SEMA3C: variants seen among roughly 807,000 people sequenced by gnomAD.
SEMA3C encodes semaphorin 3C, also known as semaphorin-3C.
In SEMA3C, 47 loss-of-function variants were observed where a neutral mutation model predicts 89.4. That is an observed-to-expected ratio of 0.53 (90% CI 0.42 to 0.67). The LOEUF (loss-of-function observed/expected upper bound fraction) is 0.67, where lower values mean the gene tolerates loss of function less well. Among genes scored for constraint, SEMA3C ranks in the 30% least tolerant of loss-of-function variants. The pLI is 0.00. For missense variants in SEMA3C, 839 were observed against 929.1 expected, an observed-to-expected ratio of 0.90 and a Z score of 1.26; for synonymous variants, 310 against 320.2, an observed-to-expected ratio of 0.97 and a Z score of 0.34.
At chr7:80,758,224 A>G in intron 15 of SEMA3C, 107 bp downstream of exon 15, 1 of 1,225,506 alleles carries the variant, frequency 8.2e-7, no homozygotes, top group Non-Finnish European at 1.1e-6. Flanking sequence ...TTCTACCTTT[A>G]ATGTCATTTA....
intron 14 of SEMA3C, among the ~76,000 whole-genome samples, chr7:80,759,066 C>T (rs562242227): frequency 2.0e-5 from 3 of 152,168 alleles, no homozygotes; most frequent in Admixed American, 1.3e-4. Context: ...TATATTTAAA[C>T]GTCTTAAAAT....
intron 2 of SEMA3C, among the ~76,000 whole-genome samples, chr7:80,904,093 T>G (rs1791949688): frequency 6.6e-6 from 1 of 152,160 alleles, no homozygotes; most frequent in African/African-American, 2.4e-5. Flanking sequence ...CAGGCTAGAG[T>G]GCAGTAGCAA....
Position 80,749,046 on chromosome 7 carries a change from A to T in SEMA3C, c.1712-18T>A. 1 of 1,585,006 alleles carries T rather than the reference A, an allele frequency of 6.3e-7. No individual in the cohort carries two copies. The highest frequency in any genetic ancestry group is 8.6e-7 in the Non-Finnish European group (1 of 1,167,756). Reference sequence around the variant, plus strand: ...TCTGTATGCTAGCAGGCAAAAATAAAAGGCGAGAGAGAAAGAAAGAACACA... The same window carrying T: ...TCTGTATGCTAGCAGGCAAAAATAATAGGCGAGAGAGAAAGAAAGAACACA... On this transcript the variant is annotated intron_variant, in intron 16 of 17. Coordinates refer to ENST00000265361, the MANE Select transcript of SEMA3C (RefSeq NM_006379.5).
intron 15 of SEMA3C, among the ~76,000 whole-genome samples, chr7:80,753,380 C>T (rs1787982381): frequency 6.6e-6 from 1 of 152,182 alleles, no homozygotes; most frequent in Admixed American, 6.5e-5. Flanking sequence ...GCCATCTAGG[C>T]AAGCAATATC....
chr7:80,917,116 A>G (rs1562985407), intron 1 of SEMA3C, among the ~76,000 whole-genome samples: 1 of 152,234 alleles, frequency 6.6e-6, no homozygotes, highest in Admixed American at 6.5e-5. Context: ...AAAGCCCAAT[A>G]TTTTAACGGA....
chr7:80,840,827 C>T (rs1230141779), intron 2 of SEMA3C, among the ~76,000 whole-genome samples: 1 of 152,038 alleles, frequency 6.6e-6, no homozygotes, highest in African/African-American at 2.4e-5. Flanking sequence ...GTAATAAATG[C>T]ACAAAGTATA....
intron 2 of SEMA3C, among the ~76,000 whole-genome samples, chr7:80,868,254 T>A (rs1441208984): frequency 6.6e-6 from 1 of 152,098 alleles, no homozygotes; most frequent in East Asian, 1.9e-4. Context: ...TTATATTTTA[T>A]TTCACTTTAT....
chr7:80,744,791 T>C lies in SEMA3C; in HGVS notation c.*103A>G. ...ACTCACTTCAGGAGTAATCACCTTTTTCAGTAATTCCCCTTGGTAAAGCAC... is the reference window on the plus strand; with the variant it reads ...ACTCACTTCAGGAGTAATCACCTTTCTCAGTAATTCCCCTTGGTAAAGCAC... On this transcript the variant is annotated 3_prime_UTR_variant, in exon 18 of 18. Coordinates refer to ENST00000265361, the MANE Select transcript of SEMA3C (RefSeq NM_006379.5). 7.6e-7 allele frequency: 1 copy of C among 1,323,942 alleles called. No homozygotes were observed. Among genetic ancestry groups the C allele is most frequent in the Non-Finnish European group, 1.1e-6 (1 of 933,358 alleles). 82.0% of individuals were successfully genotyped at this position (1,323,942 alleles called of 1,614,324 possible).
intron 2 of SEMA3C, among the ~76,000 whole-genome samples, chr7:80,840,053 C>T (rs1046069002): frequency 2.0e-5 from 3 of 151,692 alleles, no homozygotes; most frequent in South Asian, 2.1e-4. Flanking sequence ...GTCCCTCTCA[C>T]CCTCATAAAG....
rs565769835 is a variant in SEMA3C at position 80,818,306 on chromosome 7, C to A, written c.440G>T (p.Arg147Ile). Reference sequence around the variant, plus strand: ...TTAAATAGTTATACTTACCTCTGATCTCCTCCCTCTGTTCAAGTAAGTACA... The same window carrying A: ...TTAAATAGTTATACTTACCTCTGATATCCTCCCTCTGTTCAAGTAAGTACA... The part of the protein sequence containing the change: ...PVCTYLNRGR[R>I]SEDQVFMIDS... The change falls in exon 5 of 18, where the codon AGA (arginine) becomes ATA (isoleucine). Residue 147 changes from arginine (R) to isoleucine (I), a missense_variant. Coordinates refer to ENST00000265361, the MANE Select transcript of SEMA3C (RefSeq NM_006379.5). 1.2e-6 allele frequency: 2 copies of A among 1,606,352 alleles called. No homozygotes were observed. The highest frequency in any genetic ancestry group is 1.1e-5 in the South Asian group (1 of 90,320).
chr7:80,754,099 G>A (rs113093682), intron 15 of SEMA3C, among the ~76,000 whole-genome samples: 3 of 152,040 alleles, frequency 2.0e-5, no homozygotes, highest in Admixed American at 1.3e-4. Flanking sequence ...CACCATGCCC[G>A]GCTAATTTTG....
chr7:80,919,080 G>A, upstream of SEMA3C: 1 of 985,206 alleles, frequency 1.0e-6, no homozygotes, highest in Non-Finnish European at 1.2e-6. Flanking sequence ...GGCCGGGGGC[G>A]AGCGCTCTTG....
intron 2 of SEMA3C, among the ~76,000 whole-genome samples, chr7:80,843,934 AC>A (rs560445209): frequency 1.3e-3 from 194 of 152,310 alleles, no homozygotes; most frequent in African/African-American, 4.4e-3. Flanking sequence ...CATACAAAGT[AC>A]CTATAAAGTG....
intron 15 of SEMA3C, among the ~76,000 whole-genome samples, chr7:80,752,055 C>T (rs2117034701): frequency 6.6e-6 from 1 of 152,238 alleles, no homozygotes; most frequent in South Asian, 2.1e-4. Flanking sequence ...CTATGAAAGC[C>T]TTTAGAAAAT....
intron 15 of SEMA3C, among the ~76,000 whole-genome samples, chr7:80,753,489 C>G (rs1787984313): frequency 6.6e-6 from 1 of 152,122 alleles, no homozygotes; most frequent in Non-Finnish European, 1.5e-5. Flanking sequence ...TTTACAGTAT[C>G]ACATAGCTTC....
intron 4 of SEMA3C, among the ~76,000 whole-genome samples, chr7:80,821,902 A>G (rs117946557): frequency 0.023 from 3,511 of 152,274 alleles, 63 homozygotes; most frequent in Non-Finnish European, 0.036. Context: ...CTGATTAGCA[A>G]TGAGCAGATT....
At chr7:80,881,981 AT>A (rs545773631) in intron 2 of SEMA3C, among the ~76,000 whole-genome samples, 101 of 152,336 alleles carry the variant, frequency 6.6e-4, no homozygotes, top group African/African-American at 2.3e-3. Context: ...TTTTGAATGT[AT>A]TATATTTAAA....
intron 12 of SEMA3C, among the ~76,000 whole-genome samples, chr7:80,785,887 C>T (rs922684004): frequency 6.6e-6 from 1 of 152,188 alleles, no homozygotes; most frequent in Admixed American, 6.5e-5. Context: ...GGATTACAGG[C>T]GTGAGCCACT....
At chr7:80,765,749 T>C (rs1788286065) in intron 12 of SEMA3C, among the ~76,000 whole-genome samples, 1 of 152,110 alleles carries the variant, frequency 6.6e-6, no homozygotes, top group Non-Finnish European at 1.5e-5. Flanking sequence ...GCTAATTTTT[T>C]GTATTTTTAG....
Sources: gnomAD v4.1 joint callset for allele counts (sites outside exome capture counted in the v4.1 genomes callset) on GRCh38, gnomAD v4.1.1 for gene constraint, MANE v1.5 for transcripts, NCBI Gene and HGNC (gene_info 2026-07-23, HGNC 2026-07-21) for gene names.